The following CCDC91 variants were observed in gnomAD, a reference collection of about 807,000 sequenced individuals.
The protein encoded by CCDC91 is coiled-coil domain containing 91, also known as coiled-coil domain-containing protein 91.
CCDC91 carries 48 observed loss-of-function variants against 63.2 expected under a neutral mutation model. The ratio of observed to expected loss-of-function variants is 0.76; its 90% CI spans 0.60 to 0.97. The LOEUF (loss-of-function observed/expected upper bound fraction) is 0.97, where lower values mean the gene tolerates loss of function less well. Ranked by LOEUF, CCDC91 falls within the 50% of genes least tolerant of loss-of-function variation. CCDC91 has a pLI of 0.00. For synonymous variants in CCDC91, 167 were observed against 165.8 expected, an observed-to-expected ratio of 1.01 and a Z score of -0.06; for missense variants, 500 against 494.6, an observed-to-expected ratio of 1.01 and a Z score of -0.10.
chr12:28,476,326 A>G (rs560561409), intron 11 of CCDC91, among the ~76,000 whole-genome samples: 1 of 152,298 alleles, frequency 6.6e-6, no homozygotes, highest in South Asian at 2.1e-4. Context: ...AACTCATTCA[A>G]AACCGGTCAA....
At chr12:28,225,881 A>T (rs1334941277) in intron 1 of CCDC91, 1 of 152,240 alleles carries the variant, frequency 6.6e-6, no homozygotes, top group Non-Finnish European at 1.5e-5. Flanking sequence ...AGTGAAACAT[A>T]GTAATTCCTT....
At chr12:28,305,043 G>GAAAA (rs1009070450) in intron 3 of CCDC91, among the ~76,000 whole-genome samples, 3 of 152,060 alleles carry the variant, frequency 2.0e-5, no homozygotes, top group African/African-American at 7.2e-5. Flanking sequence ...ATTTTAGCAT[G>GAAAA]AAAAACCTTT....
At chr12:28,518,349 T>C (rs1364866357) in intron 12 of CCDC91, among the ~76,000 whole-genome samples, 1 of 151,866 alleles carries the variant, frequency 6.6e-6, no homozygotes, top group Admixed American at 6.6e-5. Flanking sequence ...TGGTATTGCA[T>C]TGTGATTTTG....
intron 11 of CCDC91, among the ~76,000 whole-genome samples, chr12:28,468,648 C>T (rs908840683): frequency 1.3e-5 from 2 of 151,838 alleles, no homozygotes; most frequent in African/African-American, 4.8e-5. Flanking sequence ...AGAAAGAAAA[C>T]TACAAGCCAA....
At chr12:28,237,600 C>T (rs1286267841) in intron 1 of CCDC91, among the ~76,000 whole-genome samples, 2 of 152,254 alleles carry the variant, frequency 1.3e-5, no homozygotes, top group East Asian at 3.9e-4. Context: ...GAAGCTGGAA[C>T]AGGCAGGGCA....
At position 28,357,474 on chromosome 12, in the gene CCDC91, T is replaced by A. The variant is rs1943596716; in HGVS notation, c.577-4964T>A. Among the ~76,000 whole-genome samples the A allele has an allele frequency of 5.3e-5, 8 of 152,140 alleles. No homozygotes were observed. In the South Asian group the frequency reaches 1.2e-3, roughly 24 times the overall value. The stretch of plus-strand genomic sequence containing the variant: ...TTCAGATTTTACGGACCATGACTAG[T>A]TATATGTCTTTGCTTCACCAGAATG... On this transcript the variant is annotated intron_variant, in intron 6 of 12. Transcript: ENST00000536442.
intron 6 of CCDC91, among the ~76,000 whole-genome samples, chr12:28,313,970 C>T (rs1163218346): frequency 1.3e-5 from 2 of 152,008 alleles, no homozygotes; most frequent in African/African-American, 4.8e-5. Flanking sequence ...TAGCACATGT[C>T]CTCATGCTGC....
At chr12:28,471,174 G>T (rs1950795214) in intron 11 of CCDC91, among the ~76,000 whole-genome samples, 1 of 152,090 alleles carries the variant, frequency 6.6e-6, no homozygotes, top group South Asian at 2.1e-4. Flanking sequence ...AATTTTTGAG[G>T]AACAGAGCCA....
At chr12:28,529,882 T>C (rs1941593402) in intron 12 of CCDC91, among the ~76,000 whole-genome samples, 1 of 152,214 alleles carries the variant, frequency 6.6e-6, no homozygotes. Flanking sequence ...AAGTTATTCT[T>C]TCTGACTAGA....
chr12:28,358,505 A>C (rs916725410), intron 6 of CCDC91, among the ~76,000 whole-genome samples: 1 of 152,198 alleles, frequency 6.6e-6, no homozygotes, highest in Non-Finnish European at 1.5e-5. Context: ...TAAGTTACCT[A>C]TATTCAGTGT....
chr12:28,377,059 T>A (rs1448963388), intron 7 of CCDC91, among the ~76,000 whole-genome samples: 1 of 151,746 alleles, frequency 6.6e-6, no homozygotes, highest in Non-Finnish European at 1.5e-5. Flanking sequence ...AAACTTTTGT[T>A]TTGCTACTGT....
rs137905686 is a variant in CCDC91, at chr12:28,202,531, C to G, written c.-15+11890C>G. ...AAGTCTCTGCATGGTTAGTACTGGA[C>G]AGCGAATGATTGGACAGTTATTTCC... On this transcript the variant is annotated intron_variant, in intron 1 of 12. Coordinates refer to ENST00000536442, the MANE Select transcript of CCDC91 (RefSeq NM_018318.5). Among the ~76,000 whole-genome samples, 5 of 152,310 alleles carry G rather than the reference C, an allele frequency of 3.3e-5. No homozygotes were observed. In the East Asian group the frequency reaches 9.6e-4, roughly 29 times the overall value.
chr12:28,351,826 T>G (rs1321437518), intron 6 of CCDC91, among the ~76,000 whole-genome samples: 1 of 152,206 alleles, frequency 6.6e-6, no homozygotes, highest in African/African-American at 2.4e-5. Context: ...GCTTGCTGTA[T>G]ATCTCCTTCA....
At chr12:28,309,400 C>T (rs550243673) in intron 6 of CCDC91, among the ~76,000 whole-genome samples, 15 of 152,074 alleles carry the variant, frequency 9.9e-5, no homozygotes, top group Non-Finnish European at 1.5e-4. Flanking sequence ...TAATTAATTG[C>T]CCTGTAGGAT....
intron 7 of CCDC91, among the ~76,000 whole-genome samples, chr12:28,391,065 G>A (rs1945908649): frequency 6.6e-6 from 1 of 151,542 alleles, no homozygotes; most frequent in African/African-American, 2.4e-5. Flanking sequence ...TTTTTAAGGA[G>A]AAGATGTGTG....
At chr12:28,369,821 G>T (rs1944498791) in intron 7 of CCDC91, among the ~76,000 whole-genome samples, 1 of 152,256 alleles carries the variant, frequency 6.6e-6, no homozygotes, top group South Asian at 2.1e-4. Flanking sequence ...AAGGCTTGGG[G>T]CTTACACCCT....
intron 8 of CCDC91, among the ~76,000 whole-genome samples, chr12:28,420,710 A>T (rs527581406): frequency 6.7e-6 from 1 of 149,740 alleles, no homozygotes; most frequent in Non-Finnish European, 1.5e-5. Flanking sequence ...AGATTATATG[A>T]CATCTTCCTG....
chr12:28,524,474 C>CTCTG (rs1165285356), intron 12 of CCDC91, among the ~76,000 whole-genome samples: 2 of 152,054 alleles, frequency 1.3e-5, no homozygotes, highest in Non-Finnish European at 2.9e-5. Context: ...GCTGGATTAT[C>CTCTG]TCTGATATGT....
intron 11 of CCDC91, among the ~76,000 whole-genome samples, chr12:28,476,757 A>G (rs1238075246): frequency 2.0e-5 from 3 of 152,162 alleles, no homozygotes; most frequent in African/African-American, 7.2e-5. Context: ...AGAATAATCA[A>G]ATAGATGCAA....
Sources: gnomAD v4.1 joint callset for allele counts (sites outside exome capture counted in the v4.1 genomes callset) on GRCh38, gnomAD v4.1.1 for gene constraint, MANE v1.5 for transcripts, NCBI Gene and HGNC (gene_info 2026-07-23, HGNC 2026-07-21) for gene names.